The following ANO3 variants were observed in gnomAD, a reference collection of about 807,000 sequenced individuals.
ANO3 encodes anoctamin-3.
A neutral mutation model predicts 144.8 loss-of-function variants in ANO3; 99 were observed. The observed-to-expected ratio is 0.68, with a 90% CI of 0.58 to 0.81. The LOEUF (loss-of-function observed/expected upper bound fraction) is 0.81, where lower values mean the gene tolerates loss of function less well. Among genes scored for constraint, ANO3 ranks in the 30% least tolerant of loss-of-function variants. ANO3 has a pLI of 0.00. For missense variants in ANO3, 905 were observed against 1,202.2 expected, an observed-to-expected ratio of 0.75 and a Z score of 3.66; for synonymous variants, 414 against 392.6, an observed-to-expected ratio of 1.05 and a Z score of -0.64.
upstream of ANO3, among the ~76,000 whole-genome samples, chr11:26,308,658 G>A (rs1400026190): frequency 6.6e-6 from 1 of 152,076 alleles, no homozygotes; most frequent in Non-Finnish European, 1.5e-5. Context: ...TAAATACAAG[G>A]TACTTTGTCA....
intron 1 of ANO3, among the ~76,000 whole-genome samples, chr11:26,239,289 C>T (rs1244658570): frequency 1.3e-5 from 2 of 152,086 alleles, no homozygotes; most frequent in South Asian, 4.1e-4. Flanking sequence ...TGTTGACCTC[C>T]CTTTTATGCT....
chr11:26,403,313 G>T (rs1279508830), intron 1 of ANO3, among the ~76,000 whole-genome samples: 1 of 151,824 alleles, frequency 6.6e-6, no homozygotes, highest in East Asian at 1.9e-4. Flanking sequence ...TCATTGTATG[G>T]ATTCATTACT....
chr11:26,238,647 T>C (rs936867712), intron 1 of ANO3, among the ~76,000 whole-genome samples: 4 of 152,090 alleles, frequency 2.6e-5, no homozygotes, highest in Admixed American at 2.0e-4. Context: ...GAGTAGATTA[T>C]ATTCTAAAAT....
intron 1 of ANO3, among the ~76,000 whole-genome samples, chr11:26,211,721 A>C (rs767206238): frequency 6.6e-6 from 1 of 152,224 alleles, no homozygotes; most frequent in Non-Finnish European, 1.5e-5. Context: ...ATATATACCC[A>C]GAGGATTATA....
At chr11:26,258,441 T>A (rs1853108908) in intron 1 of ANO3, among the ~76,000 whole-genome samples, 1 of 152,166 alleles carries the variant, frequency 6.6e-6, no homozygotes, top group Admixed American at 6.5e-5. Flanking sequence ...CGAGAATACT[T>A]ACAAATAAAA....
At chr11:26,496,645 A>G (rs1645680641) in intron 4 of ANO3, among the ~76,000 whole-genome samples, 1 of 152,120 alleles carries the variant, frequency 6.6e-6, no homozygotes, top group Non-Finnish European at 1.5e-5. Flanking sequence ...AATAGTGTAC[A>G]TCGTACCTAT....
chr11:26,265,711 C>T (rs558164151), intron 1 of ANO3, among the ~76,000 whole-genome samples: 9 of 152,256 alleles, frequency 5.9e-5, no homozygotes, highest in African/African-American at 1.7e-4. Flanking sequence ...TTCTAGCACA[C>T]GTAATGGTGG....
intron 1 of ANO3, among the ~76,000 whole-genome samples, chr11:26,229,979 T>C (rs1326224094): frequency 1.3e-5 from 2 of 152,224 alleles, no homozygotes; most frequent in Admixed American, 1.3e-4. Flanking sequence ...AGCCTCATTC[T>C]GTGTCAGGAT....
At chr11:26,359,471 C>T (rs1363499650) in intron 1 of ANO3, among the ~76,000 whole-genome samples, 1 of 152,174 alleles carries the variant, frequency 6.6e-6, no homozygotes, top group Non-Finnish European at 1.5e-5. Context: ...CATGTATGTA[C>T]TGATCATACA....
intron 12 of ANO3, among the ~76,000 whole-genome samples, chr11:26,551,404 G>A (rs990781126): frequency 2.0e-5 from 3 of 151,910 alleles, no homozygotes; most frequent in South Asian, 4.1e-4. Flanking sequence ...GTTAAGTAAA[G>A]TCAAAGAAAC....
intron 1 of ANO3, among the ~76,000 whole-genome samples, chr11:26,426,827 T>C (rs1274585153): frequency 6.6e-6 from 1 of 152,208 alleles, no homozygotes; most frequent in Non-Finnish European, 1.5e-5. Context: ...GAAGATTCCA[T>C]GAACTGTTAG....
At chr11:26,216,598 A>G (rs1326250947) in intron 1 of ANO3, among the ~76,000 whole-genome samples, 1 of 152,000 alleles carries the variant, frequency 6.6e-6, no homozygotes, top group East Asian at 1.9e-4. Flanking sequence ...CAAGCTTTGT[A>G]TGAATATAAG....
At chr11:26,388,956 C>T (rs1006293241) in intron 1 of ANO3, among the ~76,000 whole-genome samples, 1 of 152,090 alleles carries the variant, frequency 6.6e-6, no homozygotes, top group African/African-American at 2.4e-5. Context: ...TCCCTAGATT[C>T]TGTATTATGT....
At chr11:26,206,527 G>A (rs1851797347) in intron 1 of ANO3, among the ~76,000 whole-genome samples, 1 of 152,064 alleles carries the variant, frequency 6.6e-6, no homozygotes, top group South Asian at 2.1e-4. Flanking sequence ...AAAAGACAAG[G>A]TGGTGTAGGG....
rs903717757 is a variant in ANO3, at chr11:26,574,577, T to C, written c.1447+14798T>C. Among the ~76,000 whole-genome samples the C allele has an allele frequency of 2.6e-5, 4 of 152,166 alleles. No homozygotes were observed. In the South Asian group the frequency reaches 8.3e-4, roughly 31 times the overall value. On this transcript the variant is annotated intron_variant, in intron 14 of 26. Transcript: ENST00000256737. ...AGTAAAATAAATTACATTATGAATC[T>C]ATTATTTGAGAGTATTTTAATGATA...
At chr11:26,649,344 T>A (rs1024679975) in intron 24 of ANO3, among the ~76,000 whole-genome samples, 1 of 152,214 alleles carries the variant, frequency 6.6e-6, no homozygotes, top group Non-Finnish European at 1.5e-5. Context: ...ATAGAATGAG[T>A]AAATATTAAA....
chr11:26,289,843 T>G (rs971986105), intron 1 of ANO3, among the ~76,000 whole-genome samples: 1 of 151,488 alleles, frequency 6.6e-6, no homozygotes, highest in Non-Finnish European at 1.5e-5. Context: ...TTGAGGATTT[T>G]TGCATCGATG....
intron 24 of ANO3, among the ~76,000 whole-genome samples, chr11:26,651,280 T>C (rs1473239827): frequency 6.6e-6 from 1 of 152,210 alleles, no homozygotes; most frequent in Non-Finnish European, 1.5e-5. Flanking sequence ...ACGTCATTGA[T>C]ATGGTTTAAA....
At chr11:26,216,695 CTG>C (rs1300371476) in intron 1 of ANO3, among the ~76,000 whole-genome samples, 2 of 151,988 alleles carry the variant, frequency 1.3e-5, no homozygotes, top group Admixed American at 6.6e-5. Flanking sequence ...AACAGCCAAA[CTG>C]TATTTCAAAG....
Sources: allele counts gnomAD v4.1 joint callset (sites outside exome capture counted in the v4.1 genomes callset), GRCh38; gene constraint gnomAD v4.1.1; transcripts MANE v1.5; gene names NCBI Gene and HGNC (gene_info 2026-07-23, HGNC 2026-07-21).